FHIT: variants seen among roughly 807,000 people sequenced by gnomAD.
FHIT encodes the protein bis(5'-adenosyl)-triphosphatase.
In FHIT, 19 loss-of-function variants were observed where a neutral mutation model predicts 17.9. The ratio of observed to expected loss-of-function variants is 1.06; its 90% confidence interval spans 0.74 to 1.56. The LOEUF is 1.56. Among genes scored for constraint, FHIT ranks in the 40% most tolerant of loss-of-function variants. The probability of loss-of-function intolerance (pLI) is 0.00; values close to 1 mark genes in which losing one functional copy is unlikely to be tolerated. For synonymous variants in FHIT, 81 were observed against 69.7 expected, an observed-to-expected ratio of 1.16 and a Z score of -0.81; for missense variants, 248 against 189.2, an observed-to-expected ratio of 1.31 and a Z score of -1.82.
At chr3:61,036,647 G>A (rs1173498142) in intron 3 of FHIT, among the ~76,000 whole-genome samples, 3 of 152,116 alleles carry the variant, frequency 2.0e-5, no homozygotes, top group African/African-American at 4.8e-5. Context: ...ATTAAAAAAT[G>A]TTTTAAGCAT....
At chr3:59,970,296 T>G (rs1245670294) in intron 7 of FHIT, among the ~76,000 whole-genome samples, 3 of 152,136 alleles carry the variant, frequency 2.0e-5, no homozygotes, top group Non-Finnish European at 4.4e-5. Flanking sequence ...TGAGATTTCT[T>G]TTTTCTTCCC....
intron 5 of FHIT, among the ~76,000 whole-genome samples, chr3:60,116,682 C>T (rs1293059967): frequency 6.6e-6 from 1 of 151,990 alleles, no homozygotes; most frequent in East Asian, 1.9e-4. Context: ...TAAAAAGTAG[C>T]CCCAATATTA....
At chr3:60,215,013 C>A (rs1192607210) in intron 5 of FHIT, among the ~76,000 whole-genome samples, 1 of 151,830 alleles carries the variant, frequency 6.6e-6, no homozygotes, top group Non-Finnish European at 1.5e-5. Context: ...CTGAGGACTG[C>A]TTGAGGAGGG....
chr3:60,214,835 T>TA (rs36035542), intron 5 of FHIT, among the ~76,000 whole-genome samples: 152 of 151,874 alleles, frequency 1.0e-3, no homozygotes, highest in Non-Finnish European at 1.8e-3. Flanking sequence ...TATGCAGCTG[T>TA]AAAAAAAAGA....
At chr3:60,125,672 A>ATG (rs1576157479) in intron 5 of FHIT, among the ~76,000 whole-genome samples, 3 of 123,948 alleles carry the variant, frequency 2.4e-5, no homozygotes, top group Non-Finnish European at 5.4e-5. Flanking sequence ...GTGTATATAT[A>ATG]TGTGTGTGCG....
intron 8 of FHIT, among the ~76,000 whole-genome samples, chr3:59,869,513 G>C (rs764875985): frequency 4.1e-5 from 2 of 49,208 alleles, no homozygotes; most frequent in African/African-American, 2.7e-4. Flanking sequence ...ACAGAGTCTC[G>C]CTCTGTCGCC....
intron 8 of FHIT, among the ~76,000 whole-genome samples, chr3:59,921,698 C>G (rs1039964079): frequency 2.0e-5 from 3 of 152,188 alleles, no homozygotes; most frequent in African/African-American, 7.2e-5. Context: ...GTATGCTCCA[C>G]AAGGTGGAAA....
At chr3:60,708,399 T>C (rs1216165356) in intron 4 of FHIT, among the ~76,000 whole-genome samples, 1 of 152,184 alleles carries the variant, frequency 6.6e-6, no homozygotes. Flanking sequence ...GCTGAGTCAG[T>C]TGTATTCAGC....
chr3:60,169,843 C>T (rs1473671675), intron 5 of FHIT, among the ~76,000 whole-genome samples: 3 of 152,012 alleles, frequency 2.0e-5, no homozygotes, highest in Non-Finnish European at 4.4e-5. Flanking sequence ...AAACAGTTCC[C>T]GGGAGGGAGG....
At chr3:60,222,473 T>C (rs1459846361) in intron 5 of FHIT, among the ~76,000 whole-genome samples, 1 of 152,090 alleles carries the variant, frequency 6.6e-6, no homozygotes, top group Non-Finnish European at 1.5e-5. Flanking sequence ...TGGTGCAAAA[T>C]TAATTGTGGT....
chr3:60,059,583 G>A (rs1233576023), intron 5 of FHIT, among the ~76,000 whole-genome samples: 1 of 152,076 alleles, frequency 6.6e-6, no homozygotes, highest in Non-Finnish European at 1.5e-5. Context: ...TTCCACTCCT[G>A]CTCTAAAACT....
At chr3:61,062,103 T>C (rs2034450121) in intron 2 of FHIT, among the ~76,000 whole-genome samples, 1 of 152,184 alleles carries the variant, frequency 6.6e-6, no homozygotes. Context: ...CAAATATATC[T>C]ACAGAATACG....
chr3:59,966,774 G>A (rs1261456356), intron 7 of FHIT, among the ~76,000 whole-genome samples: 2 of 152,158 alleles, frequency 1.3e-5, no homozygotes, highest in African/African-American at 2.4e-5. Flanking sequence ...AGGGGTGACT[G>A]AATTTGAAGG....
chr3:61,216,118 G>A lies in FHIT; in HGVS notation c.-212-15453C>T, dbSNP rs907729183. 7.2e-5 allele frequency among the ~76,000 whole-genome samples: 11 copies of A among 152,214 alleles called. No homozygotes were observed. In the East Asian group the frequency reaches 2.1e-3, roughly 29 times the overall value. Reference sequence around the variant, plus strand: ...CATGTCTAAAACACCAAAAGCAATGGCAACAAAAGCCAAAATTGACAAATG... The same window carrying A: ...CATGTCTAAAACACCAAAAGCAATGACAACAAAAGCCAAAATTGACAAATG... On this transcript the variant is annotated intron_variant, in intron 1 of 9. Coordinates refer to ENST00000492590, the MANE Select transcript of FHIT (RefSeq NM_002012.4).
rs78718114 is a variant in FHIT, at chr3:61,135,487, C to T, written c.-164+65130G>A. The stretch of plus-strand genomic sequence containing the variant: ...CATTTTATAAAGGAAGGAACTGAGG[C>T]TTAGAGAGTTTTTAAAGCTTTTAAG... On this transcript the variant is annotated intron_variant, in intron 2 of 9. Transcript: ENST00000492590. Among the ~76,000 whole-genome samples the T allele has an allele frequency of 1.5e-3, 231 of 152,208 alleles. 2 individuals carry two copies. The highest frequency in any genetic ancestry group is 5.4e-3 in the African/African-American group (226 of 41,540).
At chr3:60,308,498 A>ATG (rs1559807064) in intron 5 of FHIT, among the ~76,000 whole-genome samples, 388 of 13,222 alleles carry the variant, frequency 0.029, 3 homozygotes, top group African/African-American at 0.13. Context: ...GTGTATGTGT[A>ATG]TATATATATA....
intron 3 of FHIT, among the ~76,000 whole-genome samples, chr3:60,885,881 A>G (rs1165025498): frequency 6.6e-6 from 1 of 152,050 alleles, no homozygotes; most frequent in Non-Finnish European, 1.5e-5. Flanking sequence ...ACACATTCAT[A>G]TGTTTTACAG....
chr3:60,398,212 C>G (rs894627507), intron 5 of FHIT, among the ~76,000 whole-genome samples: 2 of 152,156 alleles, frequency 1.3e-5, no homozygotes, highest in African/African-American at 4.8e-5. Flanking sequence ...AACTCTCTTT[C>G]TCCTGTAGCT....
intron 5 of FHIT, among the ~76,000 whole-genome samples, chr3:60,166,724 C>A (rs1014106416): frequency 1.1e-4 from 16 of 152,112 alleles, no homozygotes; most frequent in African/African-American, 3.9e-4. Flanking sequence ...GCTTTCATGT[C>A]CTGGGTTTCT....
Sources: allele counts gnomAD v4.1 joint callset (sites outside exome capture counted in the v4.1 genomes callset), GRCh38; gene constraint gnomAD v4.1.1; transcripts MANE v1.5; gene names NCBI Gene and HGNC (gene_info 2026-07-23, HGNC 2026-07-21).